Variants in PCDH15 observed in about 807,000 individuals in gnomAD.
The protein encoded by PCDH15 is protocadherin related 15.
A neutral mutation model predicts 178.5 loss-of-function variants in PCDH15; 129 were observed. That is an observed-to-expected ratio of 0.72 (90% CI 0.63 to 0.84). The LOEUF (loss-of-function observed/expected upper bound fraction) is 0.84, where lower values mean the gene tolerates loss of function less well. Among genes scored for constraint, PCDH15 ranks in the 40% least tolerant of loss-of-function variants. The pLI is 0.00. For synonymous variants in PCDH15, 800 were observed against 732.0 expected, an observed-to-expected ratio of 1.09 and a Z score of -1.50; for missense variants, 2,230 against 2,099.9, an observed-to-expected ratio of 1.06 and a Z score of -1.21.
chr10:55,108,606 T>A (rs559448258), intron 2 of PCDH15, among the ~76,000 whole-genome samples: 1 of 152,262 alleles, frequency 6.6e-6, no homozygotes, highest in Non-Finnish European at 1.5e-5. Flanking sequence ...CTGTTATAAT[T>A]TATTTTATGA....
rs183985695 is a variant in PCDH15 at position 54,672,999 on chromosome 10, T to A, written c.-28-8709A>T. The stretch of plus-strand genomic sequence containing the variant: ...GTTTAATGACATAGCAAACAGGTAG[T>A]ATCTACATTCCTAATTTTTTTTCTT... On this transcript the variant is annotated intron_variant, in intron 1 of 37. Coordinates refer to ENST00000644397, the MANE Select transcript of PCDH15 (RefSeq NM_001384140.1). Among the ~76,000 whole-genome samples the A allele has an allele frequency of 2.7e-3, 407 of 152,314 alleles. 3 individuals carry two copies. Among genetic ancestry groups the A allele is most frequent in the African/African-American group, 8.0e-3 (334 of 41,578 alleles).
chr10:54,383,405 CA>C (rs991337528), intron 3 of PCDH15, among the ~76,000 whole-genome samples: 1 of 151,958 alleles, frequency 6.6e-6, no homozygotes, highest in African/African-American at 2.4e-5. Flanking sequence ...CTACTAAGAT[CA>C]AAAATGCTTA....
chr10:53,812,033 GC>G (rs2075884145), intron 35 of PCDH15, among the ~76,000 whole-genome samples: 1 of 151,982 alleles, frequency 6.6e-6, no homozygotes, highest in Non-Finnish European at 1.5e-5. Flanking sequence ...ACTATCTACA[GC>G]ATTTTTTTTC....
At chr10:55,479,565 A>C (rs1840133919) in intron 2 of PCDH15, among the ~76,000 whole-genome samples, 1 of 151,664 alleles carries the variant, frequency 6.6e-6, no homozygotes, top group African/African-American at 2.4e-5. Context: ...CATTATACCG[A>C]ATGAGGAAAT....
At chr10:55,602,622 G>T (rs1021078035) in intron 2 of PCDH15, among the ~76,000 whole-genome samples, 1 of 152,066 alleles carries the variant, frequency 6.6e-6, no homozygotes, top group Non-Finnish European at 1.5e-5. Flanking sequence ...CCCCCAGCAG[G>T]GGCACACTGA....
At chr10:55,203,606 T>C (rs1316136815) in intron 1 of PCDH15, among the ~76,000 whole-genome samples, 1 of 152,054 alleles carries the variant, frequency 6.6e-6, no homozygotes, top group East Asian at 1.9e-4. Flanking sequence ...AATCCTCTGG[T>C]ATAAACAACT....
At position 54,388,261 on chromosome 10, in the gene PCDH15, G is replaced by A. The variant is rs148239655; in HGVS notation, c.158-9319C>T. Among the ~76,000 whole-genome samples, 740 of 152,296 alleles carry A rather than the reference G, an allele frequency of 4.9e-3. 8 individuals carry two copies. The highest frequency in any genetic ancestry group is 0.017 in the African/African-American group (687 of 41,552). ...CAAAAATGGCCAGAGGACAATCTGA[G>A]CTTCCAATTAGTCAGAACAATAGTT... On this transcript the variant is annotated intron_variant, in intron 3 of 37. Coordinates refer to ENST00000644397, the MANE Select transcript of PCDH15 (RefSeq NM_001384140.1).
rs1448887266 is a variant in PCDH15, at chr10:55,173,851, C to T, written c.-155-7200G>A. On this transcript the variant is annotated intron_variant, in intron 1 of 5. Coordinates refer to the PCDH15 transcript ENST00000458638. ...ACAGATTTTTTGATGTTTCATTCAT[C>T]TATCTATTTTCATATTAGAAAATTT... 5.3e-5 allele frequency among the ~76,000 whole-genome samples: 8 copies of T among 152,126 alleles called. No homozygotes were observed. In the East Asian group the frequency reaches 1.4e-3, roughly 26 times the overall value.
At chr10:54,264,474 C>T (rs1453013941) in intron 8 of PCDH15, among the ~76,000 whole-genome samples, 1 of 151,916 alleles carries the variant, frequency 6.6e-6, no homozygotes, top group Admixed American at 6.6e-5. Context: ...CAAGGAAAGT[C>T]AATGAGACAT....
chr10:54,480,400 A>G (rs1241294517), intron 3 of PCDH15, among the ~76,000 whole-genome samples: 3 of 152,032 alleles, frequency 2.0e-5, no homozygotes, highest in African/African-American at 7.2e-5. Context: ...GGTGGGCCTC[A>G]GCAAAACCGT....
chr10:54,473,354 A>G (rs2078052126), intron 3 of PCDH15, among the ~76,000 whole-genome samples: 2 of 152,190 alleles, frequency 1.3e-5, no homozygotes, highest in Non-Finnish European at 2.9e-5. Flanking sequence ...TGTCCTTGAT[A>G]AATGTTCTAG....
At chr10:53,984,122 C>CTTTTTTTTTTTTTTTTTTTTTTT (rs57184119) in intron 21 of PCDH15, among the ~76,000 whole-genome samples, 3 of 112,680 alleles carry the variant, frequency 2.7e-5, no homozygotes, top group East Asian at 2.7e-4. Context: ...AAGTGCTTTT[C>CTTTTTTTTTTTTTTTTTTTTTTT]TTTTTTTTTT....
chr10:54,200,845 C>T (rs1490408014), intron 10 of PCDH15, among the ~76,000 whole-genome samples: 3 of 152,046 alleles, frequency 2.0e-5, no homozygotes, highest in Non-Finnish European at 4.4e-5. Context: ...TATACTCACT[C>T]CCTTGCTCAA....
chr10:55,615,402 A>G (rs1028661031), intron 2 of PCDH15, among the ~76,000 whole-genome samples: 2 of 152,204 alleles, frequency 1.3e-5, no homozygotes, highest in African/African-American at 4.8e-5. Context: ...AATGAAAAAT[A>G]ATCATAGTTT....
chr10:54,133,344 C>T (rs1208509420), intron 14 of PCDH15, among the ~76,000 whole-genome samples: 1 of 152,152 alleles, frequency 6.6e-6, no homozygotes, highest in Non-Finnish European at 1.5e-5. Flanking sequence ...CAAAATCATT[C>T]TATAAACATC....
At chr10:55,292,883 T>C (rs1423399483) in intron 1 of PCDH15, among the ~76,000 whole-genome samples, 1 of 152,182 alleles carries the variant, frequency 6.6e-6, no homozygotes. Context: ...GTGCAAGCTG[T>C]AAGTAAATCT....
At chr10:55,173,360 A>C (rs552610587) in intron 1 of PCDH15, among the ~76,000 whole-genome samples, 2 of 90,586 alleles carry the variant, frequency 2.2e-5, no homozygotes, top group African/African-American at 7.1e-5. Context: ...TGTATGTAGA[A>C]GGATGGGGGT....
intron 2 of PCDH15, among the ~76,000 whole-genome samples, chr10:55,613,017 A>ATTTTTT (rs34403286): frequency 1.5e-4 from 12 of 82,404 alleles, no homozygotes; most frequent in African/African-American, 2.3e-4. Context: ...TACTAGCCAG[A>ATTTTTT]TTTTTTTTTT....
At chr10:54,170,921 G>A (rs1379587201) in intron 13 of PCDH15, among the ~76,000 whole-genome samples, 2 of 151,934 alleles carry the variant, frequency 1.3e-5, no homozygotes, top group Non-Finnish European at 2.9e-5. Context: ...GATTATTCAG[G>A]CCCCCTCCCT....
Sources: allele counts gnomAD v4.1 joint callset (sites outside exome capture counted in the v4.1 genomes callset), GRCh38; gene constraint gnomAD v4.1.1; transcripts MANE v1.5; gene names NCBI Gene and HGNC (gene_info 2026-07-23, HGNC 2026-07-21).